KIAA1671: variants seen among roughly 807,000 people sequenced by gnomAD.
KIAA1671 encodes the protein uncharacterized protein KIAA1671.
KIAA1671 carries 52 observed loss-of-function variants against 131.2 expected under a neutral mutation model. The observed-to-expected ratio is 0.40, with a 90% CI of 0.32 to 0.50. The LOEUF (loss-of-function observed/expected upper bound fraction) is 0.50, where lower values mean the gene tolerates loss of function less well. KIAA1671 is among the 20% of genes least tolerant of loss of function. The pLI is 0.73. For missense variants in KIAA1671, 2,360 were observed against 2,364.2 expected (o/e 1.00, Z 0.04); for synonymous variants, 1,003 against 961.6 (o/e 1.04, Z -0.80).
At chr22:24,992,821 A>AAAAAAAAC (rs1923916881) in intron 1 of KIAA1671, among the ~76,000 whole-genome samples, 1 of 150,324 alleles carries the variant, frequency 6.7e-6, no homozygotes, top group African/African-American at 2.4e-5. Flanking sequence ...TCTCAAAAAA[A>AAAAAAAAC]AAAAAAAAAA....
chr22:25,114,651 G>A lies in KIAA1671; in HGVS notation c.4531-56169G>A, dbSNP rs73399839. On this transcript the variant is annotated intron_variant, in intron 6 of 12. Transcript: ENST00000358431. ...ATGTGCTGGTAAATGTGTGGTGAGC[G>A]TGGCCGTTCTTAGCTTGTGGTGCTT... Among the ~76,000 whole-genome samples the A allele has an allele frequency of 3.6e-3, 550 of 152,316 alleles. 5 individuals carry two copies. Among genetic ancestry groups the A allele is most frequent in the African/African-American group, 0.012 (506 of 41,572 alleles).
At chr22:25,081,025 A>G (rs2145863976) in intron 6 of KIAA1671, among the ~76,000 whole-genome samples, 1 of 152,250 alleles carries the variant, frequency 6.6e-6, no homozygotes, top group South Asian at 2.1e-4. Context: ...CAGACATTCC[A>G]GGGCTTAGAG....
intron 1 of KIAA1671, among the ~76,000 whole-genome samples, chr22:24,967,929 C>G (rs1449678314): frequency 6.6e-6 from 1 of 151,996 alleles, no homozygotes; most frequent in African/African-American, 2.4e-5. Flanking sequence ...GGAGGCGGAG[C>G]TTGCAGTGAA....
At chr22:25,149,965 C>T (rs1932981197) in intron 6 of KIAA1671, among the ~76,000 whole-genome samples, 1 of 152,188 alleles carries the variant, frequency 6.6e-6, no homozygotes, top group African/African-American at 2.4e-5. Context: ...CCATTCCATC[C>T]ACTCCAGCCT....
At chr22:25,172,141 G>A (rs892280002) in intron 7 of KIAA1671, among the ~76,000 whole-genome samples, 4 of 152,116 alleles carry the variant, frequency 2.6e-5, no homozygotes, top group Non-Finnish European at 5.9e-5. Flanking sequence ...CCCTGCAAGA[G>A]CACTGGACTG....
chr22:25,044,813 T>C (rs2145813254), intron 5 of KIAA1671, among the ~76,000 whole-genome samples: 1 of 152,332 alleles, frequency 6.6e-6, no homozygotes, highest in South Asian at 2.1e-4. Flanking sequence ...ATCATATATA[T>C]ATGCATAATT....
chr22:25,009,253 CTT>C (rs35147267), intron 1 of KIAA1671, among the ~76,000 whole-genome samples: 7,352 of 62,016 alleles, frequency 0.12, 276 homozygotes, highest in East Asian at 0.25. Flanking sequence ...CCCTTCCCCA[CTT>C]TTTTTTTTTT....
intron 6 of KIAA1671, chr22:25,055,513 G>A (rs1927785272): frequency 6.7e-6 from 1 of 149,858 alleles, no homozygotes; most frequent in African/African-American, 2.4e-5. Context: ...CTTGAGGCCA[G>A]GAGTTCCAGA....
Position 25,181,606 on chromosome 22 carries a change from A to G in KIAA1671, c.5075-93A>G, listed in dbSNP as rs182793883. 5.5e-4 allele frequency: 804 copies of G among 1,455,524 alleles called. 2 individuals carry two copies. Among genetic ancestry groups the G allele is most frequent in the Non-Finnish European group, 7.1e-4 (753 of 1,067,126 alleles). 90.2% of individuals were successfully genotyped at this position (1,455,524 alleles called of 1,614,324 possible). ...TCTTCTGTGCAGGTCTGATGTGAGC[A>G]TTGCATGAGATACTGTGTGCAAATT... On this transcript the variant is annotated intron_variant, in intron 9 of 12. Coordinates refer to ENST00000358431, the MANE Select transcript of KIAA1671 (RefSeq NM_001145206.2).
At chr22:25,191,907 A>G (rs1294244102) in intron 12 of KIAA1671, among the ~76,000 whole-genome samples, 1 of 152,206 alleles carries the variant, frequency 6.6e-6, no homozygotes, top group African/African-American at 2.4e-5. Context: ...ATGAATGTTC[A>G]TAATACACTG....
intron 6 of KIAA1671, among the ~76,000 whole-genome samples, chr22:25,153,908 G>T (rs1356651911): frequency 6.6e-6 from 1 of 152,350 alleles, no homozygotes; most frequent in Middle Eastern, 3.4e-3. Context: ...CAAGGCGCCT[G>T]CTAACCTGGT....
At chr22:24,963,241 G>C (rs1039230719) in intron 1 of KIAA1671, among the ~76,000 whole-genome samples, 1 of 151,680 alleles carries the variant, frequency 6.6e-6, no homozygotes, top group Non-Finnish European at 1.5e-5. Flanking sequence ...GCGGACACCT[G>C]TAATTCCAGC....
intron 1 of KIAA1671, among the ~76,000 whole-genome samples, chr22:24,992,648 CTA>C (rs1201871658): frequency 6.6e-6 from 1 of 151,816 alleles, no homozygotes; most frequent in Admixed American, 6.6e-5. Flanking sequence ...AACCCCCTCT[CTA>C]CTAAAAATAC....
intron 11 of KIAA1671, chr22:25,186,574 C>T (rs1934482612): frequency 6.6e-6 from 1 of 152,238 alleles, no homozygotes; most frequent in South Asian, 2.1e-4. Flanking sequence ...CCAGTCTGGG[C>T]AATGCAGTAA....
intron 1 of KIAA1671, chr22:25,011,809 G>GT (rs1295348010): frequency 6.6e-6 from 1 of 151,138 alleles, no homozygotes; most frequent in East Asian, 2.0e-4. Context: ...GGCTAATTTT[G>GT]TATTTTTAGT....
chr22:24,966,289 A>G (rs1349693654), intron 1 of KIAA1671, among the ~76,000 whole-genome samples: 2 of 152,120 alleles, frequency 1.3e-5, no homozygotes, highest in Non-Finnish European at 2.9e-5. Context: ...AGCACTGCCG[A>G]GGGAAGGAAA....
chr22:25,020,028 A>C lies in KIAA1671; in HGVS notation c.-207-5605A>C, dbSNP rs900354606. Among the ~76,000 whole-genome samples the C allele has an allele frequency of 9.2e-5, 14 of 152,252 alleles. No individual in the cohort carries two copies. In the East Asian group the frequency reaches 2.5e-3, roughly 27 times the overall value. On this transcript the variant is annotated intron_variant, in intron 1 of 12. Coordinates refer to ENST00000358431, the MANE Select transcript of KIAA1671 (RefSeq NM_001145206.2). ...TGCAAAGGACATCTTTGTGCATATA[A>C]CTTTTCTTTTGGATTACTTCCAGAG... is the stretch of plus-strand genomic sequence containing the variant.
At chr22:25,101,861 G>T (rs1454304855) in intron 6 of KIAA1671, among the ~76,000 whole-genome samples, 2 of 152,198 alleles carry the variant, frequency 1.3e-5, no homozygotes, top group African/African-American at 4.8e-5. Flanking sequence ...ACCTGGAGGG[G>T]AAGACTGATG....
intron 6 of KIAA1671, among the ~76,000 whole-genome samples, chr22:25,093,421 A>G (rs950908257): frequency 6.6e-6 from 1 of 152,168 alleles, no homozygotes; most frequent in Non-Finnish European, 1.5e-5. Context: ...GCTCAGGCAC[A>G]ATAGGTGCCT....
Sources: allele counts gnomAD v4.1 joint callset (sites outside exome capture counted in the v4.1 genomes callset), GRCh38; gene constraint gnomAD v4.1.1; transcripts MANE v1.5; gene names NCBI Gene and HGNC (gene_info 2026-07-23, HGNC 2026-07-21).